GPR137B: variants seen among roughly 807,000 people sequenced by gnomAD.
GPR137B encodes integral membrane protein GPR137B.
A neutral mutation model predicts 42.5 loss-of-function variants in GPR137B; 42 were observed. The observed-to-expected ratio is 0.99, with a 90% CI of 0.77 to 1.28. The LOEUF (loss-of-function observed/expected upper bound fraction) is 1.28. GPR137B is among the 50% of genes most tolerant of loss of function. The pLI, the probability that GPR137B is intolerant of heterozygous loss-of-function variation, is 0.00. For synonymous variants in GPR137B, 218 were observed against 209.7 expected (o/e 1.04, Z -0.34); for missense variants, 487 against 493.9 (o/e 0.99, Z 0.13).
chr1:236,180,149 T>A, intron 4 of GPR137B, 121 bp downstream of exon 4: 1 of 747,138 alleles, frequency 1.3e-6, no homozygotes, highest in South Asian at 1.5e-5. Context: ...TATAAAATGG[T>A]GTAGTATCTG....
intron 5 of GPR137B, among the ~76,000 whole-genome samples, chr1:236,186,333 T>TAA (rs1558491536): frequency 6.2e-5 from 2 of 32,096 alleles, no homozygotes; most frequent in African/African-American, 2.2e-4. Context: ...TAATATATAA[T>TAA]TATATATATT....
rs1662531308 is a variant in GPR137B at position 236,171,314 on chromosome 1, C to G, written c.464+2559C>G. ...ATAAAGTACAAGTAGACAGTTCCCT[C>G]TCTTCTCCAGTAACAAGATAGTAGC... On this transcript the variant is annotated intron_variant, in intron 2 of 6. Coordinates refer to ENST00000366592, the MANE Select transcript of GPR137B (RefSeq NM_003272.4). The surrounding 1 kb of genome is among the most constrained non-coding windows in gnomAD (Gnocchi z 4.4). 6.6e-6 allele frequency among the ~76,000 whole-genome samples: 1 copy of G among 152,188 alleles called. No homozygotes were observed. Among genetic ancestry groups the G allele is most frequent in the African/African-American group, 2.4e-5 (1 of 41,446 alleles).
chr1:236,207,507 G>A (rs1001845648), intron 6 of GPR137B, among the ~76,000 whole-genome samples: 1 of 152,156 alleles, frequency 6.6e-6, no homozygotes, highest in Non-Finnish European at 1.5e-5. Flanking sequence ...CCTCACTACC[G>A]ATATGGTGAA....
In GPR137B at chr1:236,208,726, AG is replaced by A. The variant is rs141533233; in HGVS notation, c.*570del. On this transcript the variant is annotated 3_prime_UTR_variant, in exon 7 of 7. Coordinates refer to ENST00000366592, the MANE Select transcript of GPR137B (RefSeq NM_003272.4). ...TGAAATGGTAAAGCAGCAGACTGTA[AG>A]GTCTTTAGAGATTTTTTTTTTAAGG... 7.3e-4 allele frequency: 715 copies of A among 985,030 alleles called. 12 individuals carry two copies. In the South Asian group the frequency reaches 0.022, roughly 30 times the overall value. 61.0% of individuals were successfully genotyped at this position (985,030 alleles called of 1,614,324 possible). A position where few individuals can be genotyped will look rare whatever the true frequency, so the allele number is the denominator to read the frequency against.
chr1:236,150,089 A>C lies in GPR137B; in HGVS notation c.414+7053A>C, dbSNP rs774284636. Among the ~76,000 whole-genome samples, 1 of 125,724 alleles carries C rather than the reference A, an allele frequency of 8.0e-6. No individual in the cohort carries two copies. Among genetic ancestry groups the C allele is most frequent in the Admixed American group, 8.1e-5 (1 of 12,348 alleles). The allele number at this position is 125,724 out of a possible 152,430, so 82.5% of individuals were successfully genotyped here. A position where few individuals can be genotyped will look rare whatever the true frequency, so the allele number is the denominator to read the frequency against. On this transcript the variant is annotated intron_variant, in intron 1 of 6. Coordinates refer to ENST00000366592, the MANE Select transcript of GPR137B (RefSeq NM_003272.4). The surrounding 1 kb of genome is among the most constrained non-coding windows in gnomAD (Gnocchi z 6.2). Reference sequence around the variant, plus strand: ...TGTGTGGGTCTCTGAGTGTCTGTGCATGTGTGTGTCTGTGCCTGTGTATGT... The same window carrying C: ...TGTGTGGGTCTCTGAGTGTCTGTGCCTGTGTGTGTCTGTGCCTGTGTATGT...
chr1:236,202,564 G>A (rs2102925963), intron 5 of GPR137B, among the ~76,000 whole-genome samples: 1 of 152,114 alleles, frequency 6.6e-6, no homozygotes, highest in Non-Finnish European at 1.5e-5. Context: ...GTCCAAGTGG[G>A]AGCTGCATGT....
In GPR137B at chr1:236,150,951, G is replaced by C. The variant is rs1046669671; in HGVS notation, c.414+7915G>C. On this transcript the variant is annotated intron_variant, in intron 1 of 6. Coordinates refer to ENST00000366592, the MANE Select transcript of GPR137B (RefSeq NM_003272.4). The surrounding 1 kb of genome is among the most constrained non-coding windows in gnomAD (Gnocchi z 6.2). ...TGGAGGGCAGGGGTCATGACAGTGAGGGGTGGGCTGCCCAGAGAGGAACAT... is the reference window on the plus strand; with the variant it reads ...TGGAGGGCAGGGGTCATGACAGTGACGGGTGGGCTGCCCAGAGAGGAACAT... 6.6e-6 allele frequency among the ~76,000 whole-genome samples: 1 copy of C among 152,212 alleles called. No homozygotes were observed. The highest frequency in any genetic ancestry group is 6.5e-5 in the Admixed American group (1 of 15,286).
chr1:236,147,397 T>C (rs1661711049), intron 1 of GPR137B, among the ~76,000 whole-genome samples: 1 of 152,224 alleles, frequency 6.6e-6, no homozygotes, highest in African/African-American at 2.4e-5. Context: ...CTCCCTTCCA[T>C]CCCAATTCCT....
At chr1:236,205,323 A>G in intron 6 of GPR137B, 73 bp downstream of exon 6, 2 of 1,349,418 alleles carry the variant, frequency 1.5e-6, no homozygotes, top group South Asian at 1.3e-5. Context: ...GATTCAAGCT[A>G]AAAGAAAATT....
intron 6 of GPR137B, among the ~76,000 whole-genome samples, chr1:236,206,397 CCT>C (rs1663663554): frequency 6.6e-6 from 1 of 152,110 alleles, no homozygotes; most frequent in Non-Finnish European, 1.5e-5. Flanking sequence ...ATATAAGTAC[CCT>C]GTCTCTTAGT....
chr1:236,156,892 C>T lies in GPR137B; in HGVS notation c.415-11814C>T, dbSNP rs1662048234. Among the ~76,000 whole-genome samples the T allele has an allele frequency of 6.6e-6, 1 of 152,136 alleles. No individual in the cohort carries two copies. Among genetic ancestry groups the T allele is most frequent in the Non-Finnish European group, 1.5e-5 (1 of 68,020 alleles). On this transcript the variant is annotated intron_variant, in intron 1 of 6. Coordinates refer to ENST00000366592, the MANE Select transcript of GPR137B (RefSeq NM_003272.4). This position sits in a 1 kb window ranked among gnomAD's most constrained non-coding sequence, Gnocchi z 4.8. Reference sequence around the variant, plus strand: ...CTTAACCTTTTTCAGTATGAAAGTTCCTTTTATGGTTAGGATAGCATCTGT... The same window carrying T: ...CTTAACCTTTTTCAGTATGAAAGTTTCTTTTATGGTTAGGATAGCATCTGT...
At chr1:236,190,799 G>A (rs1159724596) in intron 5 of GPR137B, among the ~76,000 whole-genome samples, 1 of 150,104 alleles carries the variant, frequency 6.7e-6, no homozygotes, top group African/African-American at 2.4e-5. Flanking sequence ...TGAATCTGAC[G>A]ATTATGTGTC....
At chr1:236,181,096 C>T (rs1008417024) in intron 4 of GPR137B, among the ~76,000 whole-genome samples, 17 of 151,644 alleles carry the variant, frequency 1.1e-4, no homozygotes, top group African/African-American at 2.2e-4. Context: ...TAATGGAGCA[C>T]GTACACAGCA....
chr1:236,178,449 T>G lies in GPR137B; in HGVS notation c.500T>G (p.Leu167Arg), dbSNP rs191392864. 40 of 1,613,926 alleles carry G rather than the reference T, an allele frequency of 2.5e-5. No individual in the cohort carries two copies. Among genetic ancestry groups the G allele is most frequent in the Middle Eastern group, 1.7e-4 (1 of 5,940 alleles). The change falls in exon 3 of 7, where the codon CTT becomes CGT. Residue 167 changes from leucine (L) to arginine (R), a missense_variant. Coordinates refer to ENST00000366592, the MANE Select transcript of GPR137B (RefSeq NM_003272.4). ...PLYLASLFIS[L>R]VFLLVNLTCA... ...TACCTGGCCTCCCTCTTCATCAGCC[T>G]TGTTTTCCTGTTGGTGAATTTAACC...
At chr1:236,143,127 G>T in intron 1 of GPR137B, 91 bp downstream of exon 1, 7 of 1,155,318 alleles carry the variant, frequency 6.1e-6, no homozygotes, top group Non-Finnish European at 8.6e-6. Flanking sequence ...CCGCGGGGGC[G>T]GGTCCGGCCC....
chr1:236,142,632 G>A lies in GPR137B; in HGVS notation c.10G>A (p.Glu4Lys), dbSNP rs749494563. The A allele has an allele frequency of 6.1e-5, 89 of 1,470,578 alleles. No homozygotes were observed. The highest frequency in any genetic ancestry group is 4.2e-4 in the South Asian group (31 of 73,504). 91.1% of individuals were successfully genotyped at this position (1,470,578 alleles called of 1,614,324 possible). ...GCGGCCGTGAGCCCCGATGAGGCCC[G>A]AGCGTCCCCGGCCGCGCGGCAGCGC... Reference protein sequence around the residue: MRPERPRPRGSAPG... With the variant: MRPKRPRPRGSAPG... The change falls in exon 1 of 7, where the codon GAG becomes AAG. Residue 4 changes from glutamate to lysine, a missense_variant. Physicochemically the swap from Glu to Lys is moderately conservative, Grantham distance 56. Coordinates refer to ENST00000366592, the MANE Select transcript of GPR137B (RefSeq NM_003272.4).
intron 1 of GPR137B, among the ~76,000 whole-genome samples, chr1:236,165,237 A>T (rs1252317004): frequency 6.6e-6 from 1 of 152,182 alleles, no homozygotes; most frequent in Non-Finnish European, 1.5e-5. Context: ...AAATTATAAG[A>T]AGTGGATAGA....
intron 4 of GPR137B, 133 bp downstream of exon 4, chr1:236,180,161 A>G (rs780611445): frequency 2.0e-5 from 14 of 700,616 alleles, no homozygotes; most frequent in Non-Finnish European, 3.4e-5. Flanking sequence ...TAGTATCTGC[A>G]TATAACCTAC....
rs148343789 is a variant in GPR137B at position 236,183,104 on chromosome 1, C to T, written c.838-674C>T. On this transcript the variant is annotated intron_variant, in intron 4 of 6. Transcript: ENST00000366592. Reference sequence around the variant, plus strand: ...CCAACCATGTGCTTTCCTCAGGAACCTTCTGTCTGTTCTGAAGAGAGAACA... The same window carrying T: ...CCAACCATGTGCTTTCCTCAGGAACTTTCTGTCTGTTCTGAAGAGAGAACA... 5.2e-3 allele frequency among the ~76,000 whole-genome samples: 797 copies of T among 152,248 alleles called. 2 individuals are homozygous for T. The highest frequency in any genetic ancestry group is 6.9e-3 in the Non-Finnish European group (471 of 68,018).
Sources: allele counts gnomAD v4.1 joint callset (sites outside exome capture counted in the v4.1 genomes callset), GRCh38; gene constraint gnomAD v4.1.1; non-coding constraint Gnocchi (gnomAD v3.1); transcripts MANE v1.5; gene names NCBI Gene and HGNC (gene_info 2026-07-23, HGNC 2026-07-21).